The following TLN2 variants were observed in gnomAD, a reference collection of about 807,000 sequenced individuals.
TLN2 encodes talin-2.
In TLN2, 118 loss-of-function variants were observed where a neutral mutation model predicts 294.7. The observed-to-expected ratio is 0.40, with a 90% confidence interval of 0.34 to 0.47. TLN2 has a LOEUF of 0.47. TLN2 is among the 20% of genes least tolerant of loss of function. The pLI is 0.84. For synonymous variants in TLN2, 1,431 were observed against 1,304.5 expected, an observed-to-expected ratio of 1.10 and a Z score of -2.09; for missense variants, 3,083 against 3,282.2, an observed-to-expected ratio of 0.94 and a Z score of 1.48.
chr15:62,494,186 A>G (rs1301690599), intron 1 of TLN2, among the ~76,000 whole-genome samples: 1 of 152,180 alleles, frequency 6.6e-6, no homozygotes, highest in Non-Finnish European at 1.5e-5. Context: ...TTGGGTGGGC[A>G]TAGCCAAGGG....
intron 1 of TLN2, among the ~76,000 whole-genome samples, chr15:62,411,167 C>T (rs1315303674): frequency 6.6e-6 from 1 of 152,128 alleles, no homozygotes; most frequent in African/African-American, 2.4e-5. Flanking sequence ...TTAAAACAAA[C>T]CAAAGAGGGA....
intron 1 of TLN2, among the ~76,000 whole-genome samples, chr15:62,479,507 T>G (rs2037966365): frequency 6.6e-6 from 1 of 152,096 alleles, no homozygotes; most frequent in South Asian, 2.1e-4. Flanking sequence ...GACAGAGTCT[T>G]TCTCTCTCAC....
intron 9 of TLN2, among the ~76,000 whole-genome samples, chr15:62,662,706 A>G (rs113112351): frequency 0.025 from 3,790 of 152,330 alleles, 77 homozygotes; most frequent in South Asian, 0.053. Context: ...TAGTGCGGAA[A>G]GAAAGATGAT....
chr15:62,734,794 T>C (rs555412933), intron 28 of TLN2, among the ~76,000 whole-genome samples: 19 of 152,330 alleles, frequency 1.2e-4, no homozygotes, highest in African/African-American at 4.6e-4. Flanking sequence ...TATTAGCAAG[T>C]CTGCAGCACT....
intron 1 of TLN2, among the ~76,000 whole-genome samples, chr15:62,518,014 T>C (rs1015905418): frequency 1.3e-5 from 2 of 151,726 alleles, no homozygotes; most frequent in East Asian, 1.9e-4. Context: ...GAGCACATAG[T>C]AAATGCTCAT....
chr15:62,718,313 C>G (rs2059912999), intron 24 of TLN2, among the ~76,000 whole-genome samples: 1 of 152,240 alleles, frequency 6.6e-6, no homozygotes, highest in Non-Finnish European at 1.5e-5. Flanking sequence ...AGTCCAGTTG[C>G]AAAGCCACTG....
intron 54 of TLN2, chr15:62,823,864 T>A (rs2067796877): frequency 4.4e-6 from 2 of 449,740 alleles, no homozygotes; most frequent in African/African-American, 4.1e-5. Context: ...CAAAGACAGT[T>A]ATCGGAGTTG....
intron 11 of TLN2, among the ~76,000 whole-genome samples, chr15:62,676,952 C>G (rs1028263434): frequency 3.3e-5 from 5 of 152,184 alleles, no homozygotes; most frequent in African/African-American, 7.2e-5. Context: ...CCAGCTAGAT[C>G]CATTGATTCA....
intron 27 of TLN2, 124 bp from the exon 28 acceptor site, chr15:62,726,962 AG>A: frequency 5.3e-6 from 5 of 940,148 alleles, no homozygotes; most frequent in South Asian, 3.3e-5. Flanking sequence ...GCTGCGGCTT[AG>A]TGCCATTGGT....
intron 1 of TLN2, among the ~76,000 whole-genome samples, chr15:62,510,347 G>C (rs1018095116): frequency 6.6e-6 from 1 of 152,182 alleles, no homozygotes; most frequent in Non-Finnish European, 1.5e-5. Flanking sequence ...CTTGGGTGTC[G>C]CTTAGTAGCT....
At chr15:62,510,921 G>A (rs2039898530) in intron 1 of TLN2, among the ~76,000 whole-genome samples, 1 of 152,248 alleles carries the variant, frequency 6.6e-6, no homozygotes, top group Admixed American at 6.5e-5. Flanking sequence ...GGAATGAAGT[G>A]TAAAAGTTAA....
intron 14 of TLN2, among the ~76,000 whole-genome samples, chr15:62,696,752 C>G (rs1377940146): frequency 1.3e-5 from 2 of 152,020 alleles, no homozygotes; most frequent in Non-Finnish European, 2.9e-5. Flanking sequence ...CATTAGATAC[C>G]TTAAGAATCT....
intron 2 of TLN2, among the ~76,000 whole-genome samples, chr15:62,598,390 G>C (rs2046720323): frequency 6.6e-6 from 1 of 152,152 alleles, no homozygotes; most frequent in South Asian, 2.1e-4. Context: ...TTCTCTAGCA[G>C]AGTCAGCTCT....
chr15:62,819,417 C>T (rs2067375342), intron 52 of TLN2, 99 bp from the exon 53 acceptor site: 3 of 989,978 alleles, frequency 3.0e-6, no homozygotes, highest in South Asian at 2.8e-5. Flanking sequence ...AACTTAAAAC[C>T]AGGCTGCCTG....
intron 53 of TLN2, 36 bp downstream of exon 53, chr15:62,819,657 C>T (rs758544232): frequency 1.9e-6 from 3 of 1,578,986 alleles, no homozygotes; most frequent in African/African-American, 1.3e-5. Flanking sequence ...GGAGGGCAAC[C>T]CTCCCAGGCA....
At chr15:62,755,999 A>C (rs1595889385) in intron 37 of TLN2, among the ~76,000 whole-genome samples, 1 of 152,206 alleles carries the variant, frequency 6.6e-6, no homozygotes. Context: ...CTCTCTTAGC[A>C]CTGTGCTTGC....
chr15:62,679,837 C>CCAGCA (rs1401566864), intron 11 of TLN2, among the ~76,000 whole-genome samples: 5 of 152,174 alleles, frequency 3.3e-5, no homozygotes, highest in African/African-American at 1.2e-4. Context: ...ATTACATGTA[C>CCAGCA]TTGTGTGTGT....
intron 11 of TLN2, 73 bp downstream of exon 11, chr15:62,675,394 A>C: frequency 6.0e-6 from 9 of 1,512,136 alleles, no homozygotes; most frequent in Non-Finnish European, 8.2e-6. Context: ...GTTTGCTGTT[A>C]AGCCTGGTTT....
At chr15:62,784,315 A>G (rs567697947) in intron 45 of TLN2, 2 of 264,726 alleles carry the variant, frequency 7.6e-6, no homozygotes, top group Non-Finnish European at 1.4e-5. Context: ...AAAATTAGCT[A>G]TCCCTCTCCC....
Sources: gnomAD v4.1 joint callset for allele counts (sites outside exome capture counted in the v4.1 genomes callset) on GRCh38, gnomAD v4.1.1 for gene constraint, MANE v1.5 for transcripts, NCBI Gene and HGNC (gene_info 2026-07-23, HGNC 2026-07-21) for gene names.